Variants in NRIP3 observed in about 807,000 individuals in gnomAD.
The protein encoded by NRIP3 is nuclear receptor-interacting protein 3.
NRIP3 carries 31 observed loss-of-function variants against 29.0 expected under a neutral mutation model. The observed-to-expected ratio is 1.07, with a 90% CI of 0.80 to 1.44. The LOEUF is 1.44. Among genes scored for constraint, NRIP3 ranks in the 40% most tolerant of loss-of-function variants. NRIP3 has a pLI of 0.00. For missense variants in NRIP3, 314 were observed against 297.9 expected (o/e 1.05, Z -0.40); for synonymous variants, 131 against 118.3 (o/e 1.11, Z -0.70).
At chr11:9,000,802 C>G (rs368780503) in intron 1 of NRIP3, among the ~76,000 whole-genome samples, 3 of 152,010 alleles carry the variant, frequency 2.0e-5, no homozygotes, top group Non-Finnish European at 2.9e-5. Context: ...GGTGTGGTAG[C>G]TCATGTTTGT....
Position 8,985,618 on chromosome 11 carries a change from A to T in NRIP3, c.562+93T>A, listed in dbSNP as rs1854508455. 8 of 1,478,906 alleles carry T rather than the reference A, an allele frequency of 5.4e-6. No homozygotes were observed. The South Asian group carries it at 1.1e-4, about 19-fold the overall frequency. The allele number at this position is 1,478,906 out of a possible 1,614,324, so 91.6% of individuals were successfully genotyped here. A position where few individuals can be genotyped will look rare whatever the true frequency, so the allele number is the denominator to read the frequency against. Reference sequence around the variant, plus strand: ...AATGGGAACCATTTTGAAAAAGTCAATATTTACAGGCATGAGATGACATGA... The same window carrying T: ...AATGGGAACCATTTTGAAAAAGTCATTATTTACAGGCATGAGATGACATGA... On this transcript the variant is annotated intron_variant, in intron 4 of 6. Coordinates refer to ENST00000309166, the MANE Select transcript of NRIP3 (RefSeq NM_020645.3).
chr11:8,985,407 G>C (rs1854502987), intron 4 of NRIP3, among the ~76,000 whole-genome samples: 1 of 151,436 alleles, frequency 6.6e-6, no homozygotes, highest in Non-Finnish European at 1.5e-5. Context: ...CTGACCTTGT[G>C]ATCCGCCCGC....
chr11:8,995,152 C>A (rs1254169848), intron 1 of NRIP3, among the ~76,000 whole-genome samples: 1 of 152,116 alleles, frequency 6.6e-6, no homozygotes, highest in Admixed American at 6.5e-5. Flanking sequence ...CCTCTTCCCC[C>A]ACAGTGGTTC....
intron 5 of NRIP3, 40 bp from the exon 6 acceptor site, chr11:8,984,009 C>A (rs906280296): frequency 6.2e-7 from 1 of 1,605,400 alleles, no homozygotes; most frequent in Admixed American, 1.7e-5. Context: ...ACTATGAGTT[C>A]CTGTGTAAGA....
intron 2 of NRIP3, 24 bp downstream of exon 2, chr11:8,988,094 G>C (rs1329530052): frequency 6.2e-7 from 1 of 1,611,174 alleles, no homozygotes; most frequent in South Asian, 1.1e-5. Context: ...GAAAACCCTG[G>C]AAAAGCTGTT....
At chr11:8,987,516 C>T (rs1226727206) in intron 3 of NRIP3, 32 bp downstream of exon 3, 1 of 1,476,672 alleles carries the variant, frequency 6.8e-7, no homozygotes, top group Non-Finnish European at 9.5e-7. Context: ...ACAGTCACAT[C>T]TAAGTTCCAC....
intron 1 of NRIP3, among the ~76,000 whole-genome samples, chr11:8,998,669 C>T (rs1315154556): frequency 6.6e-6 from 1 of 152,030 alleles, no homozygotes; most frequent in African/African-American, 2.4e-5. Flanking sequence ...TACATCTTGG[C>T]AACTAGCACA....
intron 3 of NRIP3, among the ~76,000 whole-genome samples, chr11:8,987,197 G>A (rs973271656): frequency 6.6e-6 from 1 of 152,192 alleles, no homozygotes; most frequent in Admixed American, 6.5e-5. Context: ...TCTGGATGGA[G>A]TATACCAACA....
At chr11:8,991,396 T>C (rs1286901051) in intron 1 of NRIP3, among the ~76,000 whole-genome samples, 1 of 152,206 alleles carries the variant, frequency 6.6e-6, no homozygotes, top group Non-Finnish European at 1.5e-5. Flanking sequence ...GAATAGAAAA[T>C]TTACAGCCAA....
At chr11:8,984,516 G>C (rs1854479453) in intron 4 of NRIP3, among the ~76,000 whole-genome samples, 1 of 152,162 alleles carries the variant, frequency 6.6e-6, no homozygotes, top group South Asian at 2.1e-4. Context: ...ACCCGCCTCA[G>C]CCTCCCAAAG....
chr11:8,984,187 A>T (rs1169798746), intron 4 of NRIP3, 63 bp from the exon 5 acceptor site: 1 of 1,047,366 alleles, frequency 9.5e-7, no homozygotes, highest in Non-Finnish European at 1.5e-6. Flanking sequence ...AAGTTGGCCT[A>T]ATCACTATTA....
At chr11:8,993,515 A>G (rs141123366) in intron 1 of NRIP3, among the ~76,000 whole-genome samples, 2 of 152,176 alleles carry the variant, frequency 1.3e-5, no homozygotes, top group South Asian at 2.1e-4. Flanking sequence ...ATCCATTATA[A>G]TAGAAAATCA....
chr11:8,994,851 G>C (rs1349829885), intron 1 of NRIP3, among the ~76,000 whole-genome samples: 2 of 151,970 alleles, frequency 1.3e-5, no homozygotes, highest in African/African-American at 2.4e-5. Context: ...TATACTCCCA[G>C]GGCAATTTTA....
At chr11:9,001,875 G>A (rs567116090) in intron 1 of NRIP3, among the ~76,000 whole-genome samples, 5 of 144,528 alleles carry the variant, frequency 3.5e-5, no homozygotes, top group Admixed American at 6.7e-5. Context: ...CTCCATGACG[G>A]TGGGGCACAG....
chr11:8,989,906 G>C lies in NRIP3; in HGVS notation c.175-1624C>G, dbSNP rs186051969. Among the ~76,000 whole-genome samples, 382 of 152,328 alleles carry C rather than the reference G, an allele frequency of 2.5e-3. 3 individuals carry two copies. The highest frequency in any genetic ancestry group is 8.9e-3 in the African/African-American group (369 of 41,578). ...CTTGTAGAAGTGAAGATTGGAAGGA[G>C]TTTCAAAGACCACCTAAACAAAGCC... On this transcript the variant is annotated intron_variant, in intron 1 of 6. Coordinates refer to ENST00000309166, the MANE Select transcript of NRIP3 (RefSeq NM_020645.3).
intron 1 of NRIP3, among the ~76,000 whole-genome samples, chr11:8,990,433 A>T (rs940015334): frequency 2.0e-5 from 3 of 152,198 alleles, no homozygotes; most frequent in Admixed American, 2.0e-4. Context: ...TTTAGTAACC[A>T]AAAAAGGTTC....
intron 6 of NRIP3, 133 bp from the exon 7 acceptor site, chr11:8,983,693 G>A: frequency 1.1e-6 from 1 of 922,008 alleles, no homozygotes; most frequent in South Asian, 1.5e-5. Context: ...TGCTCATTCT[G>A]ATGTGTGCAC....
In NRIP3 at chr11:9,002,695, C is replaced by T. The variant is rs7121623; in HGVS notation, c.174+1067G>A. ...GTGAACTAGGGCCGACAACCACATC[C>T]AAAATTAAATATTTCAAAAGCTTAA... On this transcript the variant is annotated intron_variant, in intron 1 of 6. Coordinates refer to ENST00000309166, the MANE Select transcript of NRIP3 (RefSeq NM_020645.3). Among the ~76,000 whole-genome samples the T allele has an allele frequency of 6.9e-3, 1,042 of 150,568 alleles. 9 individuals carry two copies. Among genetic ancestry groups the T allele is most frequent in the African/African-American group, 0.024 (986 of 41,028 alleles).
intron 3 of NRIP3, 136 bp from the exon 4 acceptor site, chr11:8,985,986 C>G: frequency 1.0e-6 from 1 of 984,632 alleles, no homozygotes; most frequent in East Asian, 2.4e-5. Context: ...TGCTAGCCAT[C>G]CTACATATGT....
Sources: gnomAD v4.1 joint callset for allele counts (sites outside exome capture counted in the v4.1 genomes callset) on GRCh38, gnomAD v4.1.1 for gene constraint, MANE v1.5 for transcripts, NCBI Gene and HGNC (gene_info 2026-07-23, HGNC 2026-07-21) for gene names.